TLE4: variants seen among roughly 807,000 people sequenced by gnomAD.
The protein encoded by TLE4 is TLE family member 4, transcriptional corepressor, also known as transducin-like enhancer protein 4.
Under a neutral mutation model 92.8 loss-of-function variants are expected in TLE4, and 8 were observed. The ratio of observed to expected loss-of-function variants is 0.09; its 90% CI spans 0.05 to 0.16. The LOEUF (loss-of-function observed/expected upper bound fraction) is 0.16. TLE4 is among the 10% of genes least tolerant of loss of function. TLE4 has a pLI of 1.00. For synonymous variants in TLE4, 371 were observed against 374.1 expected (o/e 0.99, Z 0.10); for missense variants, 675 against 997.6 (o/e 0.68, Z 4.36).
intron 4 of TLE4, among the ~76,000 whole-genome samples, chr9:79,604,469 A>G (rs1251179145): frequency 1.3e-5 from 2 of 152,170 alleles, no homozygotes; most frequent in East Asian, 3.9e-4. Flanking sequence ...AGGGATTGTA[A>G]GGATGTTTTG....
intron 6 of TLE4, among the ~76,000 whole-genome samples, chr9:79,639,913 T>G (rs1259247783): frequency 6.6e-6 from 1 of 152,208 alleles, no homozygotes; most frequent in Non-Finnish European, 1.5e-5. Flanking sequence ...TCTATGTTAA[T>G]GTCATGACTT....
intron 6 of TLE4, among the ~76,000 whole-genome samples, chr9:79,635,155 G>T (rs2055392057): frequency 6.6e-6 from 1 of 152,094 alleles, no homozygotes; most frequent in South Asian, 2.1e-4. Flanking sequence ...TTTTGGGGAG[G>T]TTATTTTAGC....
chr9:79,592,548 G>T (rs1343375153), intron 4 of TLE4, among the ~76,000 whole-genome samples: 1 of 152,076 alleles, frequency 6.6e-6, no homozygotes, highest in East Asian at 1.9e-4. Context: ...AGTGCAAAGT[G>T]CTGGGATCAC....
At chr9:79,721,631 G>A (rs1336741098) in intron 16 of TLE4, 110 bp from the exon 17 acceptor site, 2 of 1,494,338 alleles carry the variant, frequency 1.3e-6, no homozygotes, top group Admixed American at 4.5e-5. Flanking sequence ...AAACCAAAAT[G>A]AAATCTACAA....
At position 79,572,624 on chromosome 9, in the gene TLE4, C is replaced by A. The variant is rs572648078; in HGVS notation, c.-167C>A. The stretch of plus-strand genomic sequence containing the variant: ...CAGCCGGCACCCAGCCGCCGCCGCG[C>A]GTTCCTGCCGCCCGTGTCACGCGAG... On this transcript the variant is annotated 5_prime_UTR_variant, in exon 1 of 20. Transcript: ENST00000376552. The A allele has an allele frequency of 5.0e-4, 170 of 342,358 alleles. No individual in the cohort carries two copies. The highest frequency in any genetic ancestry group is 7.6e-4 in the Non-Finnish European group (148 of 194,114). 21.2% of individuals were successfully genotyped at this position (342,358 alleles called of 1,614,324 possible). A position where few individuals can be genotyped will look rare whatever the true frequency, so the allele number is the denominator to read the frequency against.
intron 5 of TLE4, among the ~76,000 whole-genome samples, chr9:79,625,504 A>T (rs1169568384): frequency 6.6e-6 from 1 of 152,018 alleles, no homozygotes; most frequent in Admixed American, 6.5e-5. Flanking sequence ...ACACTAACTG[A>T]TATCATTGTT....
chr9:79,643,653 G>A lies in TLE4; in HGVS notation c.391-8940G>A, dbSNP rs143879482. On this transcript the variant is annotated intron_variant, in intron 6 of 19. Transcript: ENST00000376552. ...TTTCTCAAGTTTAGATTTCGGTTAA[G>A]TGTTTTTAGTAGGAATACTAACTAG... 2.7e-3 allele frequency among the ~76,000 whole-genome samples: 405 copies of A among 152,246 alleles called. 3 individuals are homozygous for A. Among genetic ancestry groups the A allele is most frequent in the African/African-American group, 8.9e-3 (370 of 41,560 alleles).
intron 8 of TLE4, among the ~76,000 whole-genome samples, chr9:79,668,621 A>G (rs2061780063): frequency 1.3e-5 from 2 of 152,276 alleles, no homozygotes; most frequent in South Asian, 4.1e-4. Context: ...TAGTTTCCAG[A>G]TTCCCCCTCC....
chr9:79,612,943 A>G (rs1370088535), intron 5 of TLE4, among the ~76,000 whole-genome samples: 1 of 152,138 alleles, frequency 6.6e-6, no homozygotes, highest in African/African-American at 2.4e-5. Context: ...TAGTTGGGCT[A>G]AGCAAAATTC....
At chr9:79,606,013 A>G (rs907673068) in intron 4 of TLE4, among the ~76,000 whole-genome samples, 5 of 151,740 alleles carry the variant, frequency 3.3e-5, no homozygotes, top group Admixed American at 1.3e-4. Context: ...CAAATTAACT[A>G]CTCTGTTATA....
intron 11 of TLE4, among the ~76,000 whole-genome samples, chr9:79,707,474 A>G (rs558661974): frequency 2.0e-4 from 30 of 152,232 alleles, no homozygotes; most frequent in South Asian, 1.9e-3. Context: ...TTTCCTCACC[A>G]GTTATTTCCT....
intron 6 of TLE4, among the ~76,000 whole-genome samples, chr9:79,642,184 T>A (rs2057290452): frequency 6.6e-6 from 1 of 151,756 alleles, no homozygotes; most frequent in Non-Finnish European, 1.5e-5. Flanking sequence ...AATGCAGGAT[T>A]ACTGAACAAC....
At chr9:79,651,960 A>T (rs1192563871) in intron 6 of TLE4, among the ~76,000 whole-genome samples, 2 of 152,048 alleles carry the variant, frequency 1.3e-5, no homozygotes, top group Non-Finnish European at 2.9e-5. Flanking sequence ...TTTTTGAGAT[A>T]AAAAAAGCCT....
chr9:79,696,724 T>C (rs1362431777), intron 8 of TLE4, among the ~76,000 whole-genome samples: 1 of 152,216 alleles, frequency 6.6e-6, no homozygotes, highest in Non-Finnish European at 1.5e-5. Context: ...ATGAAGATTC[T>C]GGTCCATTAA....
intron 4 of TLE4, chr9:79,576,631 A>C (rs1234347761): frequency 6.6e-6 from 1 of 152,272 alleles, no homozygotes; most frequent in Non-Finnish European, 1.5e-5. Flanking sequence ...AAATCTGTGG[A>C]GCTACAAAAG....
At chr9:79,664,661 G>A (rs1479887502) in intron 8 of TLE4, among the ~76,000 whole-genome samples, 1 of 152,096 alleles carries the variant, frequency 6.6e-6, no homozygotes, top group Non-Finnish European at 1.5e-5. Context: ...TTGTTAGTTA[G>A]TCCCCCACCC....
At chr9:79,721,962 C>T (rs752570117) in intron 17 of TLE4, 74 bp downstream of exon 17, 57 of 1,543,948 alleles carry the variant, frequency 3.7e-5, no homozygotes, top group Middle Eastern at 1.7e-4. Context: ...GTCAGGGAAT[C>T]GAGACCATCC....
chr9:79,573,550 C>A, intron 1 of TLE4, 139 bp from the exon 2 acceptor site: 1 of 832,278 alleles, frequency 1.2e-6, no homozygotes. Flanking sequence ...AGGAGGGTTG[C>A]GGGAGGAGAG....
At chr9:79,683,286 C>G (rs1473990345) in intron 8 of TLE4, among the ~76,000 whole-genome samples, 1 of 152,144 alleles carries the variant, frequency 6.6e-6, no homozygotes, top group Non-Finnish European at 1.5e-5. Context: ...ATTCAGGGCT[C>G]ATAGTTACTT....
Sources: allele counts gnomAD v4.1 joint callset (sites outside exome capture counted in the v4.1 genomes callset), GRCh38; gene constraint gnomAD v4.1.1; transcripts MANE v1.5; gene names NCBI Gene and HGNC (gene_info 2026-07-23, HGNC 2026-07-21).